The following OSBPL10 variants were observed in gnomAD, a reference collection of about 807,000 sequenced individuals.
OSBPL10 encodes oxysterol binding protein like 10.
In OSBPL10, 49 loss-of-function variants were observed where a neutral mutation model predicts 81.7. The observed-to-expected ratio is 0.60, with a 90% CI of 0.48 to 0.76. The LOEUF is 0.76. OSBPL10 is among the 30% of genes least tolerant of loss of function. The pLI, the probability that OSBPL10 is intolerant of heterozygous loss-of-function variation, is 0.00. For synonymous variants in OSBPL10, 419 were observed against 383.6 expected, an observed-to-expected ratio of 1.09 and a Z score of -1.08; for missense variants, 923 against 987.8, an observed-to-expected ratio of 0.93 and a Z score of 0.88.
At chr3:31,898,193 G>A (rs1696122429) in intron 1 of OSBPL10, among the ~76,000 whole-genome samples, 1 of 151,954 alleles carries the variant, frequency 6.6e-6, no homozygotes, top group South Asian at 2.1e-4. Flanking sequence ...GGAGGAATAA[G>A]TTTTTGAGAT....
chr3:31,944,918 T>C (rs1697653199), intron 1 of OSBPL10, among the ~76,000 whole-genome samples: 1 of 141,108 alleles, frequency 7.1e-6, no homozygotes, highest in South Asian at 2.3e-4. Context: ...TTTGGGAGGC[T>C]GAGGCGGGCA....
At position 31,748,110 on chromosome 3, in the gene OSBPL10, T is replaced by A; in HGVS notation, c.740A>T (p.Gln247Leu). Residue 247 changes from glutamine to leucine, a missense_variant, in exon 5 of 12, where the codon CAG becomes CTG. This residue lies in a region of OSBPL10 where 514 missense variants were observed against 508.0 expected (regional missense o/e 1.01). Transcript: ENST00000396556. ...QLHEVREMMNQVEGQQKNLVH... is the reference protein window; with the variant it reads ...QLHEVREMMNLVEGQQKNLVH... ...AAGGTTCTTCTGCTGCCCTTCCACC[T>A]GGTTCATCATCTACAAAACAAGAAG... 6.2e-7 allele frequency: 1 copy of A among 1,612,522 alleles called. No homozygotes were observed. Among genetic ancestry groups the A allele is most frequent in the South Asian group, 1.1e-5 (1 of 90,846 alleles).
intron 2 of OSBPL10, among the ~76,000 whole-genome samples, chr3:31,877,260 A>G (rs1413084130): frequency 6.6e-6 from 1 of 152,130 alleles, no homozygotes; most frequent in Admixed American, 6.5e-5. Flanking sequence ...TTGTGGTGTT[A>G]TTAACATTTA....
At chr3:31,688,460 T>C (rs891979808) in intron 7 of OSBPL10, among the ~76,000 whole-genome samples, 1 of 152,140 alleles carries the variant, frequency 6.6e-6, no homozygotes, top group Admixed American at 6.6e-5. Context: ...TCCTATCCTC[T>C]GCACCTCACA....
At chr3:31,988,931 C>T (rs1336463701) in intron 2 of OSBPL10, 5 of 1,055,392 alleles carry the variant, frequency 4.7e-6, no homozygotes, top group Admixed American at 5.4e-5. Context: ...AACCCCGACC[C>T]ACAGCGACTG....
At chr3:31,867,952 G>C (rs1318975840) in intron 3 of OSBPL10, among the ~76,000 whole-genome samples, 2 of 152,034 alleles carry the variant, frequency 1.3e-5, no homozygotes, top group African/African-American at 2.4e-5. Context: ...CCCAAACATA[G>C]AATAGGTCTA....
chr3:31,821,429 C>G (rs1699980654), intron 4 of OSBPL10, among the ~76,000 whole-genome samples: 1 of 152,140 alleles, frequency 6.6e-6, no homozygotes, highest in Non-Finnish European at 1.5e-5. Context: ...TCACTATCAA[C>G]AAATGCCCCT....
At chr3:31,774,175 A>AAAAG (rs1553624172) in intron 4 of OSBPL10, among the ~76,000 whole-genome samples, 3 of 146,764 alleles carry the variant, frequency 2.0e-5, no homozygotes, top group Non-Finnish European at 2.9e-5. Flanking sequence ...AAAAAAAAAA[A>AAAAG]AAAAGAAAGA....
chr3:32,019,391 A>G (rs60714977), intron 2 of OSBPL10, among the ~76,000 whole-genome samples: 3,695 of 152,342 alleles, frequency 0.024, 139 homozygotes, highest in East Asian at 0.1. Flanking sequence ...TCAATAATAT[A>G]TTTATGCAAG....
chr3:31,951,912 A>G (rs140867759), intron 1 of OSBPL10, among the ~76,000 whole-genome samples: 64 of 152,270 alleles, frequency 4.2e-4, no homozygotes, highest in Non-Finnish European at 7.8e-4. Flanking sequence ...CCAGCGAAGA[A>G]AAAAATTAGA....
chr3:31,983,845 A>C (rs1254041425), upstream of OSBPL10, among the ~76,000 whole-genome samples: 3 of 152,250 alleles, frequency 2.0e-5, no homozygotes, highest in Non-Finnish European at 4.4e-5. Context: ...AAGTTGGCAA[A>C]AAGTATTTGA....
chr3:31,679,085 GAC>G lies in OSBPL10; in HGVS notation c.1726+4547_1726+4548del, dbSNP rs375470163. ...TCCCAGCCACGCACTCACTGCTGCAGACACAGTGGCCCCTGGCTGTCCTCAAA... is the reference window on the plus strand; with the variant it reads ...TCCCAGCCACGCACTCACTGCTGCAGACAGTGGCCCCTGGCTGTCCTCAAA... On this transcript the variant is annotated intron_variant, in intron 8 of 11. Coordinates refer to ENST00000396556, the MANE Select transcript of OSBPL10 (RefSeq NM_017784.5). Among the ~76,000 whole-genome samples the G allele has an allele frequency of 3.0e-3, 455 of 152,240 alleles. 3 individuals are homozygous for G. Among genetic ancestry groups the G allele is most frequent in the African/African-American group, 0.01 (432 of 41,538 alleles).
intron 1 of OSBPL10, among the ~76,000 whole-genome samples, chr3:31,935,167 T>C (rs1697351012): frequency 6.6e-6 from 1 of 152,148 alleles, no homozygotes; most frequent in South Asian, 2.1e-4. Context: ...CTACTTATAT[T>C]TCACTGGCTG....
Position 32,028,927 on chromosome 3 carries a change from GACACACACACAC to G in OSBPL10, n.298+17552_298+17563del, listed in dbSNP as rs58442955. 1.4e-3 allele frequency among the ~76,000 whole-genome samples: 148 copies of G among 105,722 alleles called. 1 individual carries two copies. Among genetic ancestry groups the G allele is most frequent in the Middle Eastern group, 9.9e-3 (2 of 202 alleles). 69.4% of individuals were successfully genotyped at this position (105,722 alleles called of 152,430 possible). ...ATTGTTACAGTAGGTAGCTAGTCAGGACACACACACACACACACACACACACACACACACACA... is the reference window on the plus strand; with the variant it reads ...ATTGTTACAGTAGGTAGCTAGTCAGGACACACACACACACACACACACACA... On this transcript the variant is annotated intron_variant and non_coding_transcript_variant, in intron 2 of 3. Transcript: ENST00000479173.
chr3:31,682,525 T>TA (rs1700678814), intron 8 of OSBPL10, among the ~76,000 whole-genome samples: 1 of 152,220 alleles, frequency 6.6e-6, no homozygotes, highest in Non-Finnish European at 1.5e-5. Context: ...CAGTGACCTA[T>TA]AAGGCTTGCC....
intron 1 of OSBPL10, among the ~76,000 whole-genome samples, chr3:31,942,204 G>A (rs535775794): frequency 9.2e-5 from 14 of 152,226 alleles, no homozygotes; most frequent in African/African-American, 3.4e-4. Context: ...GAACCTGGGA[G>A]GCGGAGCTTG....
chr3:31,688,817 A>G (rs1406473593), intron 7 of OSBPL10, among the ~76,000 whole-genome samples: 1 of 152,206 alleles, frequency 6.6e-6, no homozygotes. Context: ...TTGGGTGGTA[A>G]GGAACCAGAG....
At chr3:31,967,488 G>GAA (rs11386348) in intron 1 of OSBPL10, among the ~76,000 whole-genome samples, 11 of 149,100 alleles carry the variant, frequency 7.4e-5, no homozygotes, top group African/African-American at 1.5e-4. Flanking sequence ...TCAAAAAAAT[G>GAA]AAAAAAAAAA....
chr3:31,699,959 G>A (rs1373213218), intron 7 of OSBPL10, among the ~76,000 whole-genome samples: 1 of 152,118 alleles, frequency 6.6e-6, no homozygotes. Flanking sequence ...TTAATGACAT[G>A]GACAACTGCC....
Sources: allele counts gnomAD v4.1 joint callset (sites outside exome capture counted in the v4.1 genomes callset), GRCh38; gene constraint gnomAD v4.1.1; regional missense constraint gnomAD v4.1.1; transcripts MANE v1.5; gene names NCBI Gene and HGNC (gene_info 2026-07-23, HGNC 2026-07-21).